The following IGSF11 variants were observed in gnomAD, a reference collection of about 807,000 sequenced individuals.
IGSF11 encodes the protein immunoglobulin superfamily member 11.
A neutral mutation model predicts 41.0 loss-of-function variants in IGSF11; 22 were observed. The ratio of observed to expected loss-of-function variants is 0.54; its 90% CI spans 0.38 to 0.77. The LOEUF is 0.77. Among genes scored for constraint, IGSF11 ranks in the 30% least tolerant of loss-of-function variants. The pLI, the probability that IGSF11 is intolerant of heterozygous loss-of-function variation, is 0.00. For missense variants in IGSF11, 444 were observed against 530.8 expected, an observed-to-expected ratio of 0.84 and a Z score of 1.61; for synonymous variants, 219 against 201.3, an observed-to-expected ratio of 1.09 and a Z score of -0.74.
At chr3:119,133,250 A>G (rs534396814) in intron 1 of IGSF11, among the ~76,000 whole-genome samples, 30 of 152,196 alleles carry the variant, frequency 2.0e-4, no homozygotes, top group African/African-American at 7.2e-4. Context: ...GACACAAAAA[A>G]ACCCTTCAAA....
intron 4 of IGSF11, among the ~76,000 whole-genome samples, chr3:118,914,175 T>A (rs1265160720): frequency 6.6e-6 from 1 of 152,056 alleles, no homozygotes; most frequent in East Asian, 1.9e-4. Flanking sequence ...TTATAAAGAA[T>A]ATTCAAATAA....
At chr3:119,034,973 A>G (rs1940814158), upstream of IGSF11, 2 of 411,260 alleles carry the variant, frequency 4.9e-6, no homozygotes, top group African/African-American at 2.1e-5. Context: ...CCGCGGCTCC[A>G]GCGCGACGCC....
chr3:119,133,659 C>A (rs1390222178), intron 1 of IGSF11, among the ~76,000 whole-genome samples: 2 of 152,152 alleles, frequency 1.3e-5, no homozygotes. Flanking sequence ...GAGCTGGTAC[C>A]ATTCCTTCTG....
At chr3:119,069,638 A>C (rs986104842) in intron 1 of IGSF11, among the ~76,000 whole-genome samples, 4 of 152,224 alleles carry the variant, frequency 2.6e-5, no homozygotes, top group African/African-American at 9.6e-5. Flanking sequence ...CACAGTAAAT[A>C]GAAATTCAAA....
intron 1 of IGSF11, among the ~76,000 whole-genome samples, chr3:118,962,677 G>A (rs934753715): frequency 2.6e-5 from 4 of 152,072 alleles, no homozygotes; most frequent in South Asian, 2.1e-4. Context: ...CAAAAAAGTC[G>A]GCCATCAAGG....
chr3:119,045,141 C>G (rs559694632), intron 1 of IGSF11, among the ~76,000 whole-genome samples: 2 of 152,192 alleles, frequency 1.3e-5, no homozygotes, highest in African/African-American at 4.8e-5. Flanking sequence ...AAGGGAGGAG[C>G]CCAGATGGCC....
chr3:118,965,784 T>G (rs938990822), intron 1 of IGSF11, among the ~76,000 whole-genome samples: 1 of 152,144 alleles, frequency 6.6e-6, no homozygotes, highest in Non-Finnish European at 1.5e-5. Context: ...CTAAAATCCC[T>G]GCAAAATGTA....
intron 1 of IGSF11, among the ~76,000 whole-genome samples, chr3:119,061,701 G>A (rs1444713596): frequency 6.6e-6 from 1 of 151,496 alleles, no homozygotes; most frequent in African/African-American, 2.4e-5. Context: ...ACTTTCACGG[G>A]AACCCAAACT....
At chr3:119,130,912 C>T (rs1202107323) in intron 1 of IGSF11, among the ~76,000 whole-genome samples, 8 of 152,200 alleles carry the variant, frequency 5.3e-5, no homozygotes, top group Non-Finnish European at 1.0e-4. Context: ...TCCAGGCGAA[C>T]GGCCTGGAGT....
At chr3:119,091,181 A>G (rs2076755634) in intron 1 of IGSF11, among the ~76,000 whole-genome samples, 1 of 152,190 alleles carries the variant, frequency 6.6e-6, no homozygotes, top group East Asian at 1.9e-4. Flanking sequence ...TCAGATGACT[A>G]TTATTAAAAA....
At chr3:119,114,429 C>T (rs866810133) in intron 1 of IGSF11, among the ~76,000 whole-genome samples, 17 of 152,176 alleles carry the variant, frequency 1.1e-4, no homozygotes, top group African/African-American at 3.1e-4. Context: ...AAATTTCTTC[C>T]GCCAGACGCC....
chr3:119,024,874 G>T (rs2107720697), intron 1 of IGSF11, among the ~76,000 whole-genome samples: 1 of 152,206 alleles, frequency 6.6e-6, no homozygotes, highest in African/African-American at 2.4e-5. Flanking sequence ...GAGGTAAAAA[G>T]AAGATATTGT....
At chr3:118,933,491 C>A (rs868061922) in intron 1 of IGSF11, among the ~76,000 whole-genome samples, 2 of 136,920 alleles carry the variant, frequency 1.5e-5, no homozygotes, top group African/African-American at 2.9e-5. Flanking sequence ...TATATATATA[C>A]ACACACACAC....
chr3:118,910,090 C>T (rs1940082103), intron 4 of IGSF11, among the ~76,000 whole-genome samples: 1 of 152,130 alleles, frequency 6.6e-6, no homozygotes, highest in Non-Finnish European at 1.5e-5. Flanking sequence ...TCTCTCCTAC[C>T]CACTTCTGTT....
At chr3:118,903,951 G>A (rs1429930644) in intron 6 of IGSF11, among the ~76,000 whole-genome samples, 1 of 152,210 alleles carries the variant, frequency 6.6e-6, no homozygotes, top group African/African-American at 2.4e-5. Context: ...CAAAAGCCCT[G>A]AGCAATGGGA....
intron 1 of IGSF11, among the ~76,000 whole-genome samples, chr3:119,005,060 G>A (rs1937348953): frequency 6.7e-6 from 1 of 148,370 alleles, no homozygotes; most frequent in Non-Finnish European, 1.5e-5. Flanking sequence ...GTTGACAGTG[G>A]GGTGTTAAAG....
intron 1 of IGSF11, among the ~76,000 whole-genome samples, chr3:119,054,135 G>T (rs1299812682): frequency 6.6e-6 from 1 of 152,002 alleles, no homozygotes. Flanking sequence ...GAACCCAAAA[G>T]CAAATGCAAA....
At chr3:118,998,502 G>A (rs992061932) in intron 1 of IGSF11, among the ~76,000 whole-genome samples, 6 of 150,952 alleles carry the variant, frequency 4.0e-5, no homozygotes, top group Non-Finnish European at 5.9e-5. Flanking sequence ...AAATGAAAAC[G>A]CAGCAAACAT....
chr3:118,936,067 G>A (rs1316403295), intron 1 of IGSF11, among the ~76,000 whole-genome samples: 1 of 151,972 alleles, frequency 6.6e-6, no homozygotes, highest in Admixed American at 6.6e-5. Flanking sequence ...GTAAGAAGGA[G>A]GGAAATGGGT....
Sources: allele counts gnomAD v4.1 joint callset (sites outside exome capture counted in the v4.1 genomes callset), GRCh38; gene constraint gnomAD v4.1.1; transcripts MANE v1.5; gene names NCBI Gene and HGNC (gene_info 2026-07-23, HGNC 2026-07-21).